Variants in IL12RB2 observed in about 807,000 individuals in gnomAD.
IL12RB2 encodes interleukin 12 receptor subunit beta 2, also known as interleukin-12 receptor subunit beta-2.
A neutral mutation model predicts 89.4 loss-of-function variants in IL12RB2; 82 were observed. That is an observed-to-expected ratio of 0.92 (90% CI 0.77 to 1.10). IL12RB2 has a LOEUF of 1.10. Ranked by LOEUF, IL12RB2 falls within the 50% of genes least tolerant of loss-of-function variation. IL12RB2 has a pLI of 0.00. For missense variants in IL12RB2, 963 were observed against 1,031.9 expected, an observed-to-expected ratio of 0.93 and a Z score of 0.92; for synonymous variants, 368 against 370.1, an observed-to-expected ratio of 0.99 and a Z score of 0.07.
Position 67,330,771 on chromosome 1 carries a change from G to A in IL12RB2, c.919G>A (p.Asp307Asn), listed in dbSNP as rs147156135. 105 of 1,571,738 alleles carry A rather than the reference G, an allele frequency of 6.7e-5. No individual in the cohort carries two copies. In the African/African-American group the frequency reaches 1.3e-3, roughly 20 times the overall value. Residue 307 changes from aspartate to asparagine, a missense_variant, in exon 8 of 17, where the codon GAT (aspartate) becomes AAT (asparagine). Coordinates refer to ENST00000674203, the MANE Select transcript of IL12RB2 (RefSeq NM_001374259.2). ...ACATCTTTATAAGGGAAGTTGGAGT[G>A]ATTGGAGTGAATCATTGAGAGCACA... ...KLHLYKGSWS[D>N]WSESLRAQTP...
chr1:67,382,787 C>A (rs1401003607), intron 14 of IL12RB2, among the ~76,000 whole-genome samples: 3 of 151,248 alleles, frequency 2.0e-5, no homozygotes, highest in Non-Finnish European at 4.4e-5. Flanking sequence ...CTCACTGCAG[C>A]CTCAAAATCC....
intron 9 of IL12RB2, among the ~76,000 whole-genome samples, chr1:67,345,997 TCAC>T (rs1428282727): frequency 2.0e-5 from 3 of 152,186 alleles, no homozygotes; most frequent in Admixed American, 2.0e-4. Context: ...TATGCCACGG[TCAC>T]CACCAAGAGG....
intron 10 of IL12RB2, among the ~76,000 whole-genome samples, chr1:67,354,438 C>T (rs75957352): frequency 1.8e-3 from 273 of 152,260 alleles, no homozygotes; most frequent in African/African-American, 6.4e-3. Context: ...GGAAGAGGAA[C>T]ACTTCATCCT....
intron 13 of IL12RB2, among the ~76,000 whole-genome samples, chr1:67,376,943 C>T (rs1664051402): frequency 6.6e-6 from 1 of 152,112 alleles, no homozygotes; most frequent in Non-Finnish European, 1.5e-5. Context: ...TTTTTGAGCT[C>T]AATCATATAG....
intron 2 of IL12RB2, among the ~76,000 whole-genome samples, chr1:67,316,933 TG>T (rs1315928949): frequency 6.6e-6 from 1 of 152,214 alleles, no homozygotes; most frequent in Non-Finnish European, 1.5e-5. Flanking sequence ...TCCAGGATGT[TG>T]TTTCCATGAG....
chr1:67,378,170 A>G (rs973948242), intron 13 of IL12RB2, among the ~76,000 whole-genome samples: 3 of 152,070 alleles, frequency 2.0e-5, no homozygotes, highest in African/African-American at 7.2e-5. Flanking sequence ...AAATTTGTCT[A>G]TTTTGTTTTT....
At chr1:67,332,463 G>T (rs773286682) in intron 8 of IL12RB2, among the ~76,000 whole-genome samples, 5 of 152,060 alleles carry the variant, frequency 3.3e-5, no homozygotes, top group African/African-American at 4.8e-5. Context: ...TGATCCACCT[G>T]CCTCGGCCTC....
intron 13 of IL12RB2, among the ~76,000 whole-genome samples, chr1:67,373,641 T>C (rs1460719901): frequency 1.3e-5 from 2 of 152,250 alleles, no homozygotes; most frequent in East Asian, 3.8e-4. Context: ...CACTCATTCA[T>C]GTACAGCTCC....
At chr1:67,392,038 A>G (rs1039416146) in intron 16 of IL12RB2, among the ~76,000 whole-genome samples, 6 of 152,146 alleles carry the variant, frequency 3.9e-5, no homozygotes, top group Non-Finnish European at 8.8e-5. Flanking sequence ...TACATGGTGG[A>G]TCCTGGACTC....
At chr1:67,372,068 G>A (rs1198428278) in intron 11 of IL12RB2, among the ~76,000 whole-genome samples, 3 of 60,242 alleles carry the variant, frequency 5.0e-5, no homozygotes, top group Admixed American at 3.7e-4. Context: ...GTCTGGGTGC[G>A]TGTGTGTGTC....
chr1:67,337,487 A>C (rs1658919491), intron 8 of IL12RB2, among the ~76,000 whole-genome samples: 1 of 152,188 alleles, frequency 6.6e-6, no homozygotes, highest in South Asian at 2.1e-4. Flanking sequence ...TTACACATAC[A>C]GGAGTTGATT....
At chr1:67,325,303 C>T (rs541584017) in intron 4 of IL12RB2, among the ~76,000 whole-genome samples, 25 of 152,192 alleles carry the variant, frequency 1.6e-4, no homozygotes, top group Non-Finnish European at 3.2e-4. Context: ...CACTCTGTCA[C>T]CCAGGCTGGA....
intron 13 of IL12RB2, among the ~76,000 whole-genome samples, chr1:67,379,463 T>A (rs1664337711): frequency 7.6e-6 from 1 of 131,906 alleles, no homozygotes; most frequent in Admixed American, 9.4e-5. Context: ...TGAGCCGAGA[T>A]CGCATCACTG....
At chr1:67,309,746 G>A in intron 1 of IL12RB2, among the ~76,000 whole-genome samples, 1 of 152,172 alleles carries the variant, frequency 6.6e-6, no homozygotes, top group East Asian at 1.9e-4. Flanking sequence ...AATCCGCCAA[G>A]TACAGTAGGT....
chr1:67,337,717 CT>C (rs1289620984), intron 8 of IL12RB2, among the ~76,000 whole-genome samples: 1 of 152,084 alleles, frequency 6.6e-6, no homozygotes, highest in African/African-American at 2.4e-5. Flanking sequence ...TGAGATAGGA[CT>C]TCCCTTTAAG....
intron 10 of IL12RB2, among the ~76,000 whole-genome samples, chr1:67,354,839 A>C (rs895892859): frequency 4.6e-5 from 7 of 152,334 alleles, no homozygotes; most frequent in African/African-American, 1.7e-4. Context: ...ATGCCCCAAC[A>C]TTATTTAGGC....
chr1:67,388,562 TCTCAAACTCCTGAC>T (rs1453537351), intron 15 of IL12RB2, among the ~76,000 whole-genome samples: 2 of 152,136 alleles, frequency 1.3e-5, no homozygotes, highest in East Asian at 3.9e-4. Flanking sequence ...GCCAGGCTGG[TCTCAAACTCCTGAC>T]CTCATGATCC....
In IL12RB2 at chr1:67,390,021, A is replaced by G; in HGVS notation, c.1947-8A>G. 2.8e-6 allele frequency: 3 copies of G among 1,075,982 alleles called. No homozygotes were observed. The highest frequency in any genetic ancestry group is 4.7e-5 in the East Asian group (2 of 42,564). The allele number at this position is 1,075,982 out of a possible 1,614,324, so 66.7% of individuals were successfully genotyped here. On this transcript the variant is annotated splice_polypyrimidine_tract_variant and splice_region_variant and intron_variant, in intron 15 of 16. Coordinates refer to ENST00000674203, the MANE Select transcript of IL12RB2 (RefSeq NM_001374259.2). ...CTAAGGAAATGTCACTGTTTTCTTT[A>G]TCTATAGGGTGTTTGTTCTCCTAGC... is the stretch of plus-strand genomic sequence containing the variant.
chr1:67,379,902 C>T (rs971794918), intron 13 of IL12RB2, 84 bp from the exon 14 acceptor site: 59 of 1,047,926 alleles, frequency 5.6e-5, no homozygotes, highest in Non-Finnish European at 8.2e-5. Context: ...TTAAATGAAG[C>T]ATTAAAGAGT....
Sources: gnomAD v4.1 joint callset for allele counts (sites outside exome capture counted in the v4.1 genomes callset) on GRCh38, gnomAD v4.1.1 for gene constraint, MANE v1.5 for transcripts, NCBI Gene and HGNC (gene_info 2026-07-23, HGNC 2026-07-21) for gene names.